The following ZNF341 variants were observed in gnomAD, a reference collection of about 807,000 sequenced individuals.
ZNF341 encodes zinc finger protein 341.
A neutral mutation model predicts 87.7 loss-of-function variants in ZNF341; 52 were observed. That is an observed-to-expected ratio of 0.59 (90% CI 0.47 to 0.75). ZNF341 has a LOEUF of 0.75. ZNF341 is among the 30% of genes least tolerant of loss of function. The pLI is 0.00. For synonymous variants in ZNF341, 459 were observed against 472.7 expected (o/e 0.97, Z 0.38); for missense variants, 977 against 1,145.9 (o/e 0.85, Z 2.13).
At chr20:33,743,559 G>C (rs1226019257) in intron 2 of ZNF341, among the ~76,000 whole-genome samples, 2 of 152,044 alleles carry the variant, frequency 1.3e-5, no homozygotes. Context: ...GGCTGGTCAT[G>C]AATTCCTGAC....
At chr20:33,790,292 C>T (rs1233042739) in intron 14 of ZNF341, among the ~76,000 whole-genome samples, 3 of 152,030 alleles carry the variant, frequency 2.0e-5, no homozygotes, top group Non-Finnish European at 2.9e-5. Flanking sequence ...AGGCTGGTGT[C>T]GAACTCCTGA....
At chr20:33,770,355 T>A in intron 10 of ZNF341, 63 bp downstream of exon 10, 1 of 1,478,534 alleles carries the variant, frequency 6.8e-7, no homozygotes, top group Non-Finnish European at 9.4e-7. Context: ...GCCCAGGGCC[T>A]GTGGCCTTGG....
At chr20:33,789,001 G>A (rs372914230) in intron 13 of ZNF341, 27 bp downstream of exon 13, 1 of 1,582,234 alleles carries the variant, frequency 6.3e-7, no homozygotes, top group East Asian at 2.2e-5. Context: ...ATGCAGGGGG[G>A]TGGGTAGCGG....
chr20:33,747,139 G>T (rs1006974467), intron 3 of ZNF341, among the ~76,000 whole-genome samples: 1 of 152,164 alleles, frequency 6.6e-6, no homozygotes, highest in Non-Finnish European at 1.5e-5. Flanking sequence ...CATAAAGGAG[G>T]CTGGGCATAT....
chr20:33,770,318 C>G, intron 10 of ZNF341, 26 bp downstream of exon 10: 5 of 515,984 alleles, frequency 9.7e-6, no homozygotes, highest in Non-Finnish European at 1.6e-5. Flanking sequence ...TTCCCTCTCC[C>G]TGGGTGGACG....
chr20:33,757,267 G>A lies in ZNF341; in HGVS notation c.861G>A (p.Gly287=), dbSNP rs1209847718. 6.2e-7 allele frequency: 1 copy of A among 1,605,722 alleles called. No homozygotes were observed. Among genetic ancestry groups the A allele is most frequent in the African/African-American group, 1.3e-5 (1 of 74,382 alleles). Residue 287 remains glycine, a synonymous_variant, in exon 6 of 15, where the codon GGG becomes GGA. Coordinates refer to ENST00000375200, the MANE Select transcript of ZNF341 (RefSeq NM_001282933.2). ...NPAAPMTSAT[G]GTVATFDSPA... The stretch of plus-strand genomic sequence containing the variant: ...CCGCCCCCATGACCAGCGCCACCGG[G>A]GGCACGGTGGCCACCTTTGACTCTC...
Position 33,753,252 on chromosome 20 carries a change from A to G in ZNF341, c.570A>G (p.Pro190=), listed in dbSNP as rs2019099111. ...PPPPPPPPLP[P]PPPPQPPPPP... ...CTCCACCTCCTCCACCACTGCCCCCACCGCCACCACCTCAGCCTCCACCAC... is the reference window on the plus strand; with the variant it reads ...CTCCACCTCCTCCACCACTGCCCCCGCCGCCACCACCTCAGCCTCCACCAC... The change falls in exon 5 of 15, where the codon CCA becomes CCG. Residue 190 remains proline, a synonymous_variant. Coordinates refer to ENST00000375200, the MANE Select transcript of ZNF341 (RefSeq NM_001282933.2). 1 of 1,610,432 alleles carries G rather than the reference A, an allele frequency of 6.2e-7. No individual in the cohort carries two copies. Among genetic ancestry groups the G allele is most frequent in the South Asian group, 1.1e-5 (1 of 90,904 alleles).
In ZNF341 at chr20:33,732,131, A is replaced by G. The variant is rs1481167883; in HGVS notation, c.31+79A>G. The G allele has an allele frequency of 2.1e-6, 2 of 967,056 alleles. No homozygotes were observed. The highest frequency in any genetic ancestry group is 3.6e-5 in the African/African-American group (2 of 55,428). The allele number at this position is 967,056 out of a possible 1,614,324, so 59.9% of individuals were successfully genotyped here. A position where few individuals can be genotyped will look rare whatever the true frequency, so the allele number is the denominator to read the frequency against. On this transcript the variant is annotated intron_variant, in intron 1 of 14. Transcript: ENST00000375200. This position sits in a 1 kb window ranked among gnomAD's most constrained non-coding sequence, Gnocchi z 4.5. ...GCCGCGCCCTCGCAGCGCCCGGCCT[A>G]GGGCGCGCAGCGGCCGCGGGGCGGA...
At chr20:33,744,427 TG>T (rs11479388) in intron 2 of ZNF341, among the ~76,000 whole-genome samples, 5,151 of 152,182 alleles carry the variant, frequency 0.034, 298 homozygotes, top group African/African-American at 0.12. Flanking sequence ...TGCAAAGGCA[TG>T]GGAGGAGTAT....
intron 11 of ZNF341, among the ~76,000 whole-genome samples, chr20:33,782,068 A>T (rs2122728109): frequency 6.6e-6 from 1 of 152,222 alleles, no homozygotes; most frequent in Admixed American, 6.5e-5. Flanking sequence ...TCAGACTCCC[A>T]GAGTGTTGGG....
chr20:33,763,570 A>C (rs2122689972), intron 8 of ZNF341, among the ~76,000 whole-genome samples: 1 of 152,258 alleles, frequency 6.6e-6, no homozygotes, highest in East Asian at 1.9e-4. Flanking sequence ...AAGTGCTGAG[A>C]TTACGGACGT....
Position 33,761,996 on chromosome 20 carries a change from CTG to C in ZNF341, c.1166_1167del (p.Val389AspfsTer38). On this transcript the variant is annotated frameshift_variant, in exon 8 of 15. Transcript: ENST00000375200. LOFTEE classifies it high-confidence loss of function. ...AGTGGTGGCACCGTGTCTCGAAACTCTGTGACCGTACAGGTCATGGCCCTGAA... is the reference window on the plus strand; with the variant it reads ...AGTGGTGGCACCGTGTCTCGAAACTCTGACCGTACAGGTCATGGCCCTGAA... The C allele has an allele frequency of 1.2e-6, 2 of 1,606,410 alleles. No individual in the cohort carries two copies. The highest frequency in any genetic ancestry group is 1.7e-6 in the Non-Finnish European group (2 of 1,174,466).
Position 33,747,642 on chromosome 20 carries a change from AC to A in ZNF341, c.340-1280del, listed in dbSNP as rs201214340. 9.5e-4 allele frequency among the ~76,000 whole-genome samples: 139 copies of A among 146,200 alleles called. 35 individuals carry two copies. Among genetic ancestry groups the A allele is most frequent in the African/African-American group, 3.0e-3 (119 of 39,870 alleles). On this transcript the variant is annotated intron_variant, in intron 3 of 14. Transcript: ENST00000375200. ...AAAAAAAAAAAAAAAAAAAAAAAAA[AC>A]ACAGTCATTTTTCTCACTGCTTGAC...
rs377753746 is a variant in ZNF341, at chr20:33,780,159, T to G, written c.1623-1132T>G. Among the ~76,000 whole-genome samples, 12 of 152,146 alleles carry G rather than the reference T, an allele frequency of 7.9e-5. No homozygotes were observed. The East Asian group carries it at 1.9e-3, about 25-fold the overall frequency. On this transcript the variant is annotated intron_variant, in intron 10 of 14. Transcript: ENST00000375200. ...TGAGATATGAAGGATGAGAAGGCACTGCCTGGGGAAGACTTGGGGAAGAGT... is the reference window on the plus strand; with the variant it reads ...TGAGATATGAAGGATGAGAAGGCACGGCCTGGGGAAGACTTGGGGAAGAGT...
At position 33,732,763 on chromosome 20, in the gene ZNF341, C is replaced by G. The variant is rs2018599541; in HGVS notation, c.31+711C>G. Among the ~76,000 whole-genome samples, 1 of 152,212 alleles carries G rather than the reference C, an allele frequency of 6.6e-6. No homozygotes were observed. The highest frequency in any genetic ancestry group is 1.5e-5 in the Non-Finnish European group (1 of 68,036). On this transcript the variant is annotated intron_variant, in intron 1 of 14. Coordinates refer to ENST00000375200, the MANE Select transcript of ZNF341 (RefSeq NM_001282933.2). This position sits in a 1 kb window ranked among gnomAD's most constrained non-coding sequence, Gnocchi z 4.5. ...AGACTGTTCCGTGCTCTGCAAGAAC[C>G]TGGGATGGGGTTGGTGCTCAGGCTC...
At chr20:33,781,129 C>T (rs556070301) in intron 10 of ZNF341, among the ~76,000 whole-genome samples, 162 bp from the exon 11 acceptor site, 9 of 152,266 alleles carry the variant, frequency 5.9e-5, no homozygotes, top group South Asian at 2.1e-4. Context: ...GAGATGATGG[C>T]GCTCAGATGA....
intron 2 of ZNF341, among the ~76,000 whole-genome samples, chr20:33,743,223 G>A (rs1469363797): frequency 6.6e-6 from 1 of 151,976 alleles, no homozygotes; most frequent in African/African-American, 2.4e-5. Flanking sequence ...GTAGAGACGG[G>A]GTTTCGCCAT....
Position 33,770,146 on chromosome 20 carries a change from G to A in ZNF341, c.1476G>A (p.Glu492=), listed in dbSNP as rs2019496813. Reference sequence around the variant, plus strand: ...TCCCAAAGCTCGACACATTTCTGGAGCACATCAAGAGCCACCAGGAGGAGC... The same window carrying A: ...TCCCAAAGCTCGACACATTTCTGGAACACATCAAGAGCCACCAGGAGGAGC... ...QTFPKLDTFL[E]HIKSHQEELS... The change falls in exon 10 of 15, where the codon GAG becomes GAA. Residue 492 remains glutamate, a synonymous_variant. Transcript: ENST00000375200. 5 of 1,614,124 alleles carry A rather than the reference G, an allele frequency of 3.1e-6. No individual in the cohort carries two copies. In the South Asian group the frequency reaches 4.4e-5, roughly 14 times the overall value.
At chr20:33,747,631 A>AC (rs2018958488) in intron 3 of ZNF341, among the ~76,000 whole-genome samples, 1 of 132,542 alleles carries the variant, frequency 7.5e-6, no homozygotes, top group Non-Finnish European at 1.5e-5. Context: ...AAAAAAAAAA[A>AC]AAAAAAAAAA....
Sources: gnomAD v4.1 joint callset for allele counts (sites outside exome capture counted in the v4.1 genomes callset) on GRCh38, gnomAD v4.1.1 for gene constraint, Gnocchi (gnomAD v3.1) non-coding constraint, MANE v1.5 for transcripts, NCBI Gene and HGNC (gene_info 2026-07-23, HGNC 2026-07-21) for gene names.